Variants in MICAL1 observed in about 807,000 individuals in gnomAD.
The protein encoded by MICAL1 is microtubule associated monooxygenase, calponin and LIM domain containing 1.
Under a neutral mutation model 131.8 loss-of-function variants are expected in MICAL1, and 95 were observed. The observed-to-expected ratio is 0.72, with a 90% CI of 0.61 to 0.86. The LOEUF is 0.86. Among genes scored for constraint, MICAL1 ranks in the 40% least tolerant of loss-of-function variants. The probability of loss-of-function intolerance (pLI) is 0.00; values close to 1 mark genes in which losing one functional copy is unlikely to be tolerated. For missense variants in MICAL1, 1,292 were observed against 1,380.6 expected, an observed-to-expected ratio of 0.94 and a Z score of 1.02; for synonymous variants, 546 against 554.2, an observed-to-expected ratio of 0.99 and a Z score of 0.21.
At position 109,447,785 on chromosome 6, in the gene MICAL1, G is replaced by A. The variant is rs1409740517; in HGVS notation, c.1945-63C>T. On this transcript the variant is annotated intron_variant, in intron 14 of 24. Coordinates refer to ENST00000358807, the MANE Select transcript of MICAL1 (RefSeq NM_022765.4). ...GAGGTCCCAGTCCTCCCCACTTTCTGAATGTCCTCACCATCACCCCAGGAT... is the reference window on the plus strand; with the variant it reads ...GAGGTCCCAGTCCTCCCCACTTTCTAAATGTCCTCACCATCACCCCAGGAT... The A allele has an allele frequency of 8.7e-6, 14 of 1,612,534 alleles. No individual in the cohort carries two copies. In the Admixed American group the frequency reaches 1.5e-4, roughly 17 times the overall value.
intron 16 of MICAL1, 54 bp downstream of exon 16, chr6:109,447,303 G>A (rs1410747496): frequency 9.3e-6 from 15 of 1,613,706 alleles, no homozygotes; most frequent in Admixed American, 1.7e-5. Context: ...CCCATGAAAC[G>A]CCCCTGCCCT....
chr6:109,456,440 G>A (rs1323603820), upstream of MICAL1, among the ~76,000 whole-genome samples: 4 of 152,212 alleles, frequency 2.6e-5, no homozygotes, highest in Admixed American at 6.5e-5. Flanking sequence ...GGCAAAGGGC[G>A]CGGATTAAAG....
intron 1 of MICAL1, chr6:109,463,695 A>G (rs1178073334): frequency 6.6e-6 from 1 of 152,246 alleles, no homozygotes; most frequent in African/African-American, 2.4e-5. Flanking sequence ...GGAGATGTGC[A>G]GAAAGTGTAA....
upstream of MICAL1, among the ~76,000 whole-genome samples, chr6:109,458,386 G>A (rs933053014): frequency 4.6e-5 from 7 of 151,996 alleles, no homozygotes; most frequent in African/African-American, 1.7e-4. Flanking sequence ...ACCTGAGGTC[G>A]GGAGTTCGAG....
At chr6:109,449,116 G>C (rs928757125) in intron 11 of MICAL1, 4 of 660,392 alleles carry the variant, frequency 6.1e-6, no homozygotes, top group Non-Finnish European at 7.8e-6. Flanking sequence ...TGGCCACATA[G>C]AGGGCAGCAG....
In MICAL1 at chr6:109,465,461, A is replaced by C. The variant is rs965675766; in HGVS notation, c.14+203T>G. The stretch of plus-strand genomic sequence containing the variant: ...CAAACCATTCTGCCCAGTTCAACCA[A>C]AATGACTCCCTTTGTCCTAGAAAAC... On this transcript the variant is annotated intron_variant, in intron 1 of 24. Coordinates refer to the MICAL1 transcript ENST00000630715. 3 of 612,912 alleles carry C rather than the reference A, an allele frequency of 4.9e-6. No homozygotes were observed. In the African/African-American group the frequency reaches 5.5e-5, roughly 11 times the overall value. 38.0% of individuals were successfully genotyped at this position (612,912 alleles called of 1,614,324 possible).
chr6:109,459,139 T>C (rs765388922), upstream of MICAL1, among the ~76,000 whole-genome samples: 1 of 152,148 alleles, frequency 6.6e-6, no homozygotes, highest in Non-Finnish European at 1.5e-5. Flanking sequence ...AAGAGGAAGT[T>C]GGAGATTTTA....
chr6:109,447,267 A>G (rs1249482308), intron 16 of MICAL1, 38 bp from the exon 17 acceptor site: 1 of 1,613,796 alleles, frequency 6.2e-7, no homozygotes, highest in Non-Finnish European at 8.5e-7. Context: ...AGGTGGAGCC[A>G]AGGCCAGCTC....
chr6:109,444,133 A>C lies in MICAL1; in HGVS notation c.*58T>G. On this transcript the variant is annotated 3_prime_UTR_variant, in exon 25 of 25. Coordinates refer to ENST00000358807, the MANE Select transcript of MICAL1 (RefSeq NM_022765.4). The stretch of plus-strand genomic sequence containing the variant: ...GGCAGCCCAGATGAACAGGGGTGGC[A>C]CTGTGCTGGGGTGAGGTGCTTTCTT... 1 of 1,578,580 alleles carries C rather than the reference A, an allele frequency of 6.3e-7. No individual in the cohort carries two copies. The highest frequency in any genetic ancestry group is 8.6e-7 in the Non-Finnish European group (1 of 1,166,820).
Position 109,447,670 on chromosome 6 carries a change from C to G in MICAL1, c.1986+11G>C. ...GGGGTAGGAGACCGACCCGCCCCTG[C>G]CTGCATTCACCTCCAAGCGCAGCTT... On this transcript the variant is annotated intron_variant, in intron 15 of 24. Transcript: ENST00000358807. 1.2e-6 allele frequency: 2 copies of G among 1,613,990 alleles called. No individual in the cohort carries two copies. The highest frequency in any genetic ancestry group is 1.7e-6 in the Non-Finnish European group (2 of 1,179,962).
At chr6:109,456,441 C>A (rs1396493427), upstream of MICAL1, among the ~76,000 whole-genome samples, 1 of 152,108 alleles carries the variant, frequency 6.6e-6, no homozygotes, top group Non-Finnish European at 1.5e-5. Context: ...GCAAAGGGCG[C>A]GGATTAAAGT....
intron 1 of MICAL1, chr6:109,465,595 T>C (rs551884730): frequency 7.2e-5 from 108 of 1,494,624 alleles, no homozygotes; most frequent in Non-Finnish European, 8.9e-5. Flanking sequence ...TACCCGAGTC[T>C]TTATGAGACA....
In MICAL1 at chr6:109,453,378, G is replaced by A; in HGVS notation, c.467-11C>T. 6.2e-7 allele frequency: 1 copy of A among 1,612,404 alleles called. No individual in the cohort carries two copies. Among genetic ancestry groups the A allele is most frequent in the Non-Finnish European group, 8.5e-7 (1 of 1,179,022 alleles). ...GGAGCTGCCTGATGCCTGGAAGGGA[G>A]AGGACATTAGGAACAGGGACCCTAG... On this transcript the variant is annotated splice_polypyrimidine_tract_variant and intron_variant, in intron 3 of 24. Coordinates refer to ENST00000358807, the MANE Select transcript of MICAL1 (RefSeq NM_022765.4).
intron 3 of MICAL1, 83 bp from the exon 4 acceptor site, chr6:109,453,450 G>T: frequency 6.5e-7 from 1 of 1,534,486 alleles, no homozygotes; most frequent in South Asian, 1.2e-5. Context: ...GTCAGGGTCA[G>T]ACTGGAAAAG....
At chr6:109,448,145 ACACACACACACAC>A in intron 13 of MICAL1, 45 bp downstream of exon 13, 1 of 1,480,198 alleles carries the variant, frequency 6.8e-7, no homozygotes, top group South Asian at 1.2e-5. Flanking sequence ...ACACACACAC[ACACACACACACAC>A]ACCTCCCCAT....
At chr6:109,449,839 C>T (rs2115333025) in intron 9 of MICAL1, 56 bp from the exon 10 acceptor site, 7 of 1,587,058 alleles carry the variant, frequency 4.4e-6, no homozygotes, top group Non-Finnish European at 6.0e-6. Flanking sequence ...CTGTCAGCAC[C>T]CACCTCTCAG....
chr6:109,445,083 G>C, intron 22 of MICAL1, 88 bp from the exon 23 acceptor site: 1 of 1,568,098 alleles, frequency 6.4e-7, no homozygotes, highest in Non-Finnish European at 8.7e-7. Context: ...AGGAGAGCCG[G>C]GTGTCACAGG....
At chr6:109,451,863 C>A (rs1775557047) in intron 6 of MICAL1, 163 bp from the exon 7 acceptor site, 3 of 1,415,482 alleles carry the variant, frequency 2.1e-6, no homozygotes, top group Non-Finnish European at 1.8e-6. Flanking sequence ...AAACAACCAT[C>A]TGTCCCAGGC....
intron 1 of MICAL1, chr6:109,465,562 G>A (rs528621101): frequency 2.4e-6 from 3 of 1,257,272 alleles, no homozygotes; most frequent in East Asian, 2.5e-5. Flanking sequence ...GAAAAACTGA[G>A]ATCAATGCCC....
Sources: gnomAD v4.1 joint callset for allele counts (sites outside exome capture counted in the v4.1 genomes callset) on GRCh38, gnomAD v4.1.1 for gene constraint, MANE v1.5 for transcripts, NCBI Gene and HGNC (gene_info 2026-07-23, HGNC 2026-07-21) for gene names.